The following SNTG1 variants were observed in gnomAD, a reference collection of about 807,000 sequenced individuals.
The protein encoded by SNTG1 is syntrophin gamma 1, also known as gamma-1-syntrophin.
Under a neutral mutation model 74.7 loss-of-function variants are expected in SNTG1, and 39 were observed. The observed-to-expected ratio is 0.52, with a 90% CI of 0.40 to 0.68. The LOEUF is 0.68. Ranked by LOEUF, SNTG1 falls within the 30% of genes least tolerant of loss-of-function variation. The probability of loss-of-function intolerance (pLI) is 0.00; values close to 1 mark genes in which losing one functional copy is unlikely to be tolerated. For synonymous variants in SNTG1, 254 were observed against 217.1 expected, an observed-to-expected ratio of 1.17 and a Z score of -1.49; for missense variants, 685 against 609.5, an observed-to-expected ratio of 1.12 and a Z score of -1.30.
At chr8:49,917,423 T>C (rs1463079853) in intron 1 of SNTG1, among the ~76,000 whole-genome samples, 2 of 152,200 alleles carry the variant, frequency 1.3e-5, no homozygotes, top group Non-Finnish European at 2.9e-5. Context: ...AATCCTGTTA[T>C]AGAAATGGCA....
At position 50,110,724 on chromosome 8, in the gene SNTG1, T is replaced by A. The variant is rs139044401; in HGVS notation, c.-102-61837T>A. 3.0e-3 allele frequency among the ~76,000 whole-genome samples: 463 copies of A among 152,284 alleles called. 3 individuals carry two copies. The highest frequency in any genetic ancestry group is 5.6e-3 in the Non-Finnish European group (378 of 68,026). Reference sequence around the variant, plus strand: ...GTAACATTTTCTGGTCACACTGTCTTGCAGTTACTACTCATTAATACTACT... The same window carrying A: ...GTAACATTTTCTGGTCACACTGTCTAGCAGTTACTACTCATTAATACTACT... On this transcript the variant is annotated intron_variant, in intron 1 of 18. Transcript: ENST00000642720.
At chr8:50,256,734 G>T (rs1215221400) in intron 2 of SNTG1, among the ~76,000 whole-genome samples, 1 of 152,020 alleles carries the variant, frequency 6.6e-6, no homozygotes, top group Non-Finnish European at 1.5e-5. Flanking sequence ...TCAATGGACA[G>T]ACCCACTCCA....
At chr8:50,305,635 A>G (rs948416353) in intron 2 of SNTG1, among the ~76,000 whole-genome samples, 3 of 149,120 alleles carry the variant, frequency 2.0e-5, no homozygotes, top group African/African-American at 7.4e-5. Flanking sequence ...GTGGAATTTC[A>G]CTATATATGT....
chr8:50,130,003 A>T (rs530014535), intron 1 of SNTG1, among the ~76,000 whole-genome samples: 1 of 152,258 alleles, frequency 6.6e-6, no homozygotes, highest in South Asian at 2.1e-4. Flanking sequence ...ATAAAATTCA[A>T]GTGGAAATTC....
At chr8:50,579,654 TA>T (rs895029267) in intron 12 of SNTG1, among the ~76,000 whole-genome samples, 5 of 151,568 alleles carry the variant, frequency 3.3e-5, no homozygotes, top group African/African-American at 1.2e-4. Context: ...AGTATAATAA[TA>T]AAAAAAAGGG....
intron 9 of SNTG1, among the ~76,000 whole-genome samples, chr8:50,529,450 T>C (rs572333859): frequency 1.1e-4 from 16 of 152,042 alleles, no homozygotes; most frequent in Non-Finnish European, 2.4e-4. Context: ...CAAATATTAA[T>C]TGAGCGTCAA....
At chr8:50,601,152 C>CAAAAAAAAAAAAAAAAAAAAAAAAAA (rs71235311) in intron 13 of SNTG1, among the ~76,000 whole-genome samples, 1 of 31,440 alleles carries the variant, frequency 3.2e-5, no homozygotes, top group African/African-American at 2.0e-4. Flanking sequence ...GCCAGCGAGA[C>CAAAAAAAAAAAAAAAAAAAAAAAAAA]AAAAAAAAAA....
chr8:50,325,079 C>CATATATACATATATAAATATATATATGT (rs2090691124), intron 2 of SNTG1, among the ~76,000 whole-genome samples: 1 of 148,408 alleles, frequency 6.7e-6, no homozygotes, highest in African/African-American at 2.5e-5. Context: ...CAAATATATG[C>CATATATACATATATAAATATATATATGT]ATATATACAT....
chr8:50,624,386 C>T (rs2094943519), intron 13 of SNTG1, among the ~76,000 whole-genome samples: 1 of 151,404 alleles, frequency 6.6e-6, no homozygotes. Context: ...TTTGGCAGCT[C>T]TAAAGGAGAG....
intron 1 of SNTG1, among the ~76,000 whole-genome samples, chr8:50,126,332 C>T (rs2081138343): frequency 6.6e-6 from 1 of 152,012 alleles, no homozygotes; most frequent in African/African-American, 2.4e-5. Flanking sequence ...TTTTATGAGA[C>T]TATTCACATC....
intron 2 of SNTG1, among the ~76,000 whole-genome samples, chr8:50,354,767 G>A (rs1040419980): frequency 1.3e-5 from 2 of 152,124 alleles, no homozygotes; most frequent in South Asian, 2.1e-4. Flanking sequence ...CTTCTTTCTG[G>A]AGCCTGGGTC....
At chr8:50,412,159 C>T (rs1050626761) in intron 4 of SNTG1, among the ~76,000 whole-genome samples, 7 of 152,132 alleles carry the variant, frequency 4.6e-5, no homozygotes, top group Non-Finnish European at 7.4e-5. Flanking sequence ...TTTATCTTAA[C>T]GTGTTTTGTT....
chr8:50,496,472 C>A (rs2093905247), intron 8 of SNTG1, among the ~76,000 whole-genome samples: 1 of 152,092 alleles, frequency 6.6e-6, no homozygotes, highest in South Asian at 2.1e-4. Flanking sequence ...CTTTATATTG[C>A]AGAGCAGTGG....
intron 8 of SNTG1, among the ~76,000 whole-genome samples, chr8:50,455,923 A>G (rs7009024): frequency 3.9e-5 from 6 of 151,996 alleles, no homozygotes; most frequent in African/African-American, 9.7e-5. Flanking sequence ...AATTCTAACC[A>G]TACTGGATAG....
chr8:50,475,214 A>T (rs1160435785), intron 8 of SNTG1, among the ~76,000 whole-genome samples: 1 of 149,760 alleles, frequency 6.7e-6, no homozygotes, highest in East Asian at 1.9e-4. Flanking sequence ...GTACCCTAAA[A>T]CTTAAAGTAT....
chr8:50,018,613 T>A (rs1000409953), intron 1 of SNTG1, among the ~76,000 whole-genome samples: 8 of 152,000 alleles, frequency 5.3e-5, no homozygotes, highest in Admixed American at 4.6e-4. Flanking sequence ...TTTTTACTTA[T>A]GATATCAAAA....
chr8:50,493,618 T>C (rs1415264039), intron 8 of SNTG1, among the ~76,000 whole-genome samples: 1 of 152,062 alleles, frequency 6.6e-6, no homozygotes, highest in East Asian at 1.9e-4. Flanking sequence ...TATGTTTTTA[T>C]AAATCTACTG....
intron 12 of SNTG1, among the ~76,000 whole-genome samples, chr8:50,588,233 A>G (rs2094667038): frequency 1.3e-5 from 2 of 152,284 alleles, no homozygotes; most frequent in South Asian, 4.1e-4. Flanking sequence ...ATATTGTTAT[A>G]TTCCACTTGG....
chr8:50,199,979 A>C lies in SNTG1; in HGVS notation c.-28+27344A>C, dbSNP rs536688417. Among the ~76,000 whole-genome samples the C allele has an allele frequency of 4.0e-5, 6 of 149,114 alleles. No individual in the cohort carries two copies. The South Asian group carries it at 1.3e-3, about 33-fold the overall frequency. ...TGATAGGCAAGGAGTGCAATTAGCT[A>C]TTTGTATCATTCCCCCAACAAATTG... On this transcript the variant is annotated intron_variant, in intron 2 of 18. Coordinates refer to ENST00000642720, the MANE Select transcript of SNTG1 (RefSeq NM_018967.5).
Sources: gnomAD v4.1 joint callset for allele counts (sites outside exome capture counted in the v4.1 genomes callset) on GRCh38, gnomAD v4.1.1 for gene constraint, MANE v1.5 for transcripts, NCBI Gene and HGNC (gene_info 2026-07-23, HGNC 2026-07-21) for gene names.